Variants in RBFOX3 observed in about 807,000 individuals in gnomAD.
The protein encoded by RBFOX3 is RNA binding protein fox-1 homolog 3.
Under a neutral mutation model 48.7 loss-of-function variants are expected in RBFOX3, and 17 were observed. The observed-to-expected ratio is 0.35, with a 90% confidence interval of 0.24 to 0.52. RBFOX3 has a LOEUF of 0.52. RBFOX3 is among the 20% of genes least tolerant of loss of function. The pLI is 0.94. For synonymous variants in RBFOX3, 212 were observed against 209.5 expected, an observed-to-expected ratio of 1.01 and a Z score of -0.10; for missense variants, 382 against 497.5, an observed-to-expected ratio of 0.77 and a Z score of 2.21.
chr17:79,516,379 C>T (rs1199048858), intron 1 of RBFOX3, among the ~76,000 whole-genome samples: 1 of 152,244 alleles, frequency 6.6e-6, no homozygotes, highest in Non-Finnish European at 1.5e-5. Context: ...CCCGGGCCTG[C>T]CCCCTGCCCT....
rs1390606986 is a variant in RBFOX3, at chr17:79,423,146, AC to A, written c.-175+59307del. Among the ~76,000 whole-genome samples, 6 of 151,914 alleles carry A rather than the reference AC, an allele frequency of 3.9e-5. No homozygotes were observed. Among genetic ancestry groups the A allele is most frequent in the Non-Finnish European group, 8.8e-5 (6 of 67,966 alleles). Reference sequence around the variant, plus strand: ...TCTTGGGTCCAGTGGCCAACTAGTCACCCCCACCAGAGTTTTCAAACGTGTC... The same window carrying A: ...TCTTGGGTCCAGTGGCCAACTAGTCACCCCACCAGAGTTTTCAAACGTGTC... On this transcript the variant is annotated intron_variant, in intron 2 of 14. Coordinates refer to ENST00000693108, the MANE Select transcript of RBFOX3 (RefSeq NM_001350451.2). This position sits in a 1 kb window ranked among gnomAD's most constrained non-coding sequence, Gnocchi z 4.9.
chr17:79,158,249 G>A (rs1346302194), intron 4 of RBFOX3, among the ~76,000 whole-genome samples: 7 of 152,190 alleles, frequency 4.6e-5, no homozygotes, highest in Admixed American at 2.6e-4. Flanking sequence ...TCAGAACTGC[G>A]CGAGGAGAAA....
At chr17:79,246,366 C>T (rs896167370) in intron 3 of RBFOX3, among the ~76,000 whole-genome samples, 3 of 152,232 alleles carry the variant, frequency 2.0e-5, no homozygotes, top group Admixed American at 1.3e-4. Flanking sequence ...GGGCCTTGGA[C>T]ACCTTTGGGC....
chr17:79,336,887 A>C (rs2081277712), intron 2 of RBFOX3, among the ~76,000 whole-genome samples: 2 of 152,242 alleles, frequency 1.3e-5, no homozygotes, highest in African/African-American at 4.8e-5. Context: ...CGGGAGGCAG[A>C]GGCGGGTGGA....
At chr17:79,187,256 C>G (rs558024777) in intron 4 of RBFOX3, among the ~76,000 whole-genome samples, 3 of 152,332 alleles carry the variant, frequency 2.0e-5, no homozygotes, top group South Asian at 4.1e-4. Context: ...CAACTCCACA[C>G]TCCCTTTAGG....
intron 2 of RBFOX3, among the ~76,000 whole-genome samples, chr17:79,323,401 C>T (rs1275319720): frequency 6.6e-6 from 1 of 152,220 alleles, no homozygotes; most frequent in East Asian, 1.9e-4. Flanking sequence ...TCATAACCAT[C>T]CCAGGGCAGT....
At chr17:79,548,551 T>C (rs1555792689) in intron 1 of RBFOX3, among the ~76,000 whole-genome samples, 1 of 152,174 alleles carries the variant, frequency 6.6e-6, no homozygotes, top group African/African-American at 2.4e-5. Flanking sequence ...AGAGGCTGTC[T>C]CAGGAGGTCC....
chr17:79,217,204 A>G (rs945345030), intron 4 of RBFOX3, among the ~76,000 whole-genome samples: 3 of 152,234 alleles, frequency 2.0e-5, no homozygotes, highest in African/African-American at 7.2e-5. Context: ...TGTCCCCTTC[A>G]CAATGAGCAC....
chr17:79,342,793 A>G (rs2082303426), intron 2 of RBFOX3, among the ~76,000 whole-genome samples: 2 of 152,250 alleles, frequency 1.3e-5, no homozygotes, highest in African/African-American at 2.4e-5. Context: ...CAAAGCTCTC[A>G]ATAAGAAAAT....
At chr17:79,583,541 T>C (rs2093146384) in intron 1 of RBFOX3, among the ~76,000 whole-genome samples, 1 of 151,460 alleles carries the variant, frequency 6.6e-6, no homozygotes, top group Non-Finnish European at 1.5e-5. Flanking sequence ...CTTAAGGGAG[T>C]GACATTTGAG....
chr17:79,267,555 T>A (rs769261822), intron 3 of RBFOX3, among the ~76,000 whole-genome samples: 3 of 152,178 alleles, frequency 2.0e-5, no homozygotes, highest in Admixed American at 6.5e-5. Context: ...CATGCCCGGC[T>A]AATTTTTGTA....
At chr17:79,272,304 A>C (rs568592924) in intron 3 of RBFOX3, among the ~76,000 whole-genome samples, 1 of 152,268 alleles carries the variant, frequency 6.6e-6, no homozygotes, top group South Asian at 2.1e-4. Context: ...TTCTGTTTGC[A>C]GGAAGACCCA....
At chr17:79,227,137 A>G (rs1042064755) in intron 4 of RBFOX3, among the ~76,000 whole-genome samples, 21 of 152,132 alleles carry the variant, frequency 1.4e-4, no homozygotes, top group African/African-American at 5.1e-4. Context: ...CAGGCTGGAC[A>G]CTCAGCAAAG....
At chr17:79,145,715 AAAGT>A (rs1305336841) in intron 4 of RBFOX3, among the ~76,000 whole-genome samples, 3 of 152,222 alleles carry the variant, frequency 2.0e-5, no homozygotes, top group African/African-American at 7.2e-5. Flanking sequence ...GGCGTTCGGC[AAAGT>A]GAGTGCATAG....
intron 2 of RBFOX3, among the ~76,000 whole-genome samples, chr17:79,455,515 G>A (rs6501309): frequency 0.37 from 56,575 of 151,920 alleles, 10,777 homozygotes; most frequent in Admixed American, 0.44. Context: ...GAGATGCCAC[G>A]GGGCCCGTGA....
upstream of RBFOX3, among the ~76,000 whole-genome samples, chr17:79,611,181 C>CT (rs2093965018): frequency 6.9e-3 from 36 of 5,242 alleles, no homozygotes; most frequent in African/African-American, 0.015. Context: ...TCTCCGCCCT[C>CT]CTTCTCTCTC....
At chr17:79,256,387 G>A (rs566831902) in intron 3 of RBFOX3, among the ~76,000 whole-genome samples, 35 of 152,266 alleles carry the variant, frequency 2.3e-4, no homozygotes, top group African/African-American at 5.1e-4. Flanking sequence ...CACCGGCTCC[G>A]GGAGCTGAAG....
the RBFOX3 span, among the ~76,000 whole-genome samples, chr17:79,662,132 C>CTTTTTTTTTTTTTTTTTTTTTTTT: frequency 1.2e-4 from 12 of 96,862 alleles, 1 homozygote; most frequent in African/African-American, 3.9e-4. Flanking sequence ...CCTGTTTATT[C>CTTTTTTTTTTTTTTTTTTTTTTTT]TTTTTTTTTT....
chr17:79,599,435 G>C (rs2093651036), intron 1 of RBFOX3: 1 of 152,284 alleles, frequency 6.6e-6, no homozygotes, highest in Admixed American at 6.5e-5. Flanking sequence ...TGTGCCGATG[G>C]GGTGTACATG....
Sources: gnomAD v4.1 joint callset for allele counts (sites outside exome capture counted in the v4.1 genomes callset) on GRCh38, gnomAD v4.1.1 for gene constraint, Gnocchi (gnomAD v3.1) non-coding constraint, MANE v1.5 for transcripts, NCBI Gene and HGNC (gene_info 2026-07-23, HGNC 2026-07-21) for gene names.